The following SI variants were observed in gnomAD, a reference collection of about 807,000 sequenced individuals.
The protein encoded by SI is sucrase-isomaltase, intestinal.
Under a neutral mutation model 253.3 loss-of-function variants are expected in SI, and 235 were observed. The observed-to-expected ratio is 0.93, with a 90% CI of 0.83 to 1.03. SI has a LOEUF of 1.03. SI is among the 50% of genes least tolerant of loss of function. The probability of loss-of-function intolerance (pLI) is 0.00; values close to 1 mark genes in which losing one functional copy is unlikely to be tolerated. For missense variants in SI, 2,442 were observed against 2,211.1 expected, an observed-to-expected ratio of 1.10 and a Z score of -2.09; for synonymous variants, 819 against 712.0, an observed-to-expected ratio of 1.15 and a Z score of -2.39.
Position 165,036,369 on chromosome 3 carries a change from C to T in SI, c.2515+20G>A, listed in dbSNP as rs764134002. ...CCATTATCAGAGTGAACATTTAAAG[C>T]GTATTACTTTCAGACTTACCTTTAG... On this transcript the variant is annotated intron_variant, in intron 22 of 47. Coordinates refer to ENST00000264382, the MANE Select transcript of SI (RefSeq NM_001041.4). 34 of 1,532,476 alleles carry T rather than the reference C, an allele frequency of 2.2e-5. No homozygotes were observed. Among genetic ancestry groups the T allele is most frequent in the African/African-American group, 2.7e-5 (2 of 73,206 alleles). 94.9% of individuals were successfully genotyped at this position (1,532,476 alleles called of 1,614,324 possible). A position where few individuals can be genotyped will look rare whatever the true frequency, so the allele number is the denominator to read the frequency against.
At chr3:165,016,700 A>G (rs1448071431) in intron 31 of SI, among the ~76,000 whole-genome samples, 1 of 152,004 alleles carries the variant, frequency 6.6e-6, no homozygotes, top group Non-Finnish European at 1.5e-5. Flanking sequence ...GGAATATTCA[A>G]TTGAAGCCTA....
rs780524622 is a variant in SI, at chr3:165,065,361, T to A, written c.707A>T (p.Asp236Val). The A allele has an allele frequency of 1.3e-6, 2 of 1,594,354 alleles. No homozygotes were observed. The highest frequency in any genetic ancestry group is 1.7e-5 in the Admixed American group (1 of 59,466). Residue 236 changes from aspartate to valine, a missense_variant, in exon 7 of 48, where the codon GAT (aspartate) becomes GTT (valine). Physicochemically the swap from Asp to Val is radical, Grantham distance 152. Transcript: ENST00000264382. ...TTGTTCTCCAATACCATAAATATAA[T>A]CACTTGGAAGACGGGTTGAGATCTG... ...YLQISTRLPSDYIYGIGEQVH... is the reference protein window; with the variant it reads ...YLQISTRLPSVYIYGIGEQVH...
chr3:164,998,848 C>T lies in SI; in HGVS notation c.4407-175G>A, dbSNP rs1453057410. Among the ~76,000 whole-genome samples the T allele has an allele frequency of 2.6e-5, 4 of 151,766 alleles. No homozygotes were observed. In the East Asian group the frequency reaches 7.7e-4, roughly 29 times the overall value. On this transcript the variant is annotated intron_variant, in intron 37 of 47. Coordinates refer to ENST00000264382, the MANE Select transcript of SI (RefSeq NM_001041.4). ...TCATTAAATTATAAAATCCTCAAAA[C>T]ATAAAGGACGTCTTTTTCCCTTCCA...
intron 16 of SI, among the ~76,000 whole-genome samples, chr3:165,045,763 C>T (rs572760572): frequency 7.5e-6 from 1 of 133,646 alleles, no homozygotes; most frequent in African/African-American, 2.7e-5. Flanking sequence ...AAATTGTTAA[C>T]AGTTAATTCT....
At chr3:165,086,884 GA>G in the SI span, among the ~76,000 whole-genome samples, 1 of 152,140 alleles carries the variant, frequency 6.6e-6, no homozygotes, top group Non-Finnish European at 1.5e-5. Context: ...AGGCACAGGG[GA>G]ATTTGCACCC....
Position 165,019,583 on chromosome 3 carries a change from G to T in SI, c.3423+19C>A. ...ATGGTCTTAGTTGCCTCGTGGAGTG[G>T]TCATATGTTGGTACCTACACCAGGG... On this transcript the variant is annotated intron_variant, in intron 28 of 47. Transcript: ENST00000264382. 1.2e-6 allele frequency: 2 copies of T among 1,610,018 alleles called. No homozygotes were observed. The highest frequency in any genetic ancestry group is 2.2e-5 in the South Asian group (2 of 91,026).
intron 33 of SI, among the ~76,000 whole-genome samples, chr3:165,014,562 T>G (rs552873223): frequency 6.6e-6 from 1 of 152,268 alleles, no homozygotes; most frequent in East Asian, 1.9e-4. Context: ...ATCATAGATT[T>G]TTTTGATGGT....
chr3:165,075,603 C>T (rs1286533564), intron 2 of SI, among the ~76,000 whole-genome samples: 2 of 151,912 alleles, frequency 1.3e-5, no homozygotes, highest in Non-Finnish European at 2.9e-5. Context: ...CACCAGTAGG[C>T]GATTATTCCA....
At chr3:164,998,709 T>A (rs775428329) in intron 37 of SI, 36 bp from the exon 38 acceptor site, 1 of 1,570,884 alleles carries the variant, frequency 6.4e-7, no homozygotes, top group African/African-American at 1.4e-5. Context: ...AGTTTTTACA[T>A]GAGATATTTT....
chr3:165,075,887 C>G lies in SI; in HGVS notation c.118+8G>C. 6.9e-7 allele frequency: 1 copy of G among 1,445,466 alleles called. No individual in the cohort carries two copies. Among genetic ancestry groups the G allele is most frequent in the Non-Finnish European group, 9.7e-7 (1 of 1,027,208 alleles). 89.5% of individuals were successfully genotyped at this position (1,445,466 alleles called of 1,614,324 possible). ...ATAATGTAGCCATGCTTTTAATGTA[C>G]TACTTACCATCAACAGCAGGTGTCT... is the stretch of plus-strand genomic sequence containing the variant. On this transcript the variant is annotated splice_region_variant and intron_variant, in intron 2 of 47. Transcript: ENST00000264382.
the SI span, among the ~76,000 whole-genome samples, chr3:165,086,020 G>C: frequency 1.3e-5 from 2 of 152,036 alleles, no homozygotes; most frequent in Admixed American, 1.3e-4. Flanking sequence ...TTAGGAGGCC[G>C]AGGTGGGTGG....
At chr3:165,073,210 C>CTG (rs1714707640) in intron 3 of SI, among the ~76,000 whole-genome samples, 1 of 140,894 alleles carries the variant, frequency 7.1e-6, no homozygotes, top group Non-Finnish European at 1.6e-5. Context: ...CTCTCTCTCT[C>CTG]TCTCTCTCTC....
intron 3 of SI, 47 bp from the exon 4 acceptor site, chr3:165,069,242 G>C (rs750881768): frequency 8.3e-7 from 1 of 1,201,336 alleles, no homozygotes; most frequent in South Asian, 1.2e-5. Context: ...ACTATTATCA[G>C]ATGTCCCAGT....
At position 165,023,626 on chromosome 3, in the gene SI, T is replaced by C; in HGVS notation, c.3043A>G (p.Ile1015Val). 6.2e-7 allele frequency: 1 copy of C among 1,610,932 alleles called. No individual in the cohort carries two copies. The highest frequency in any genetic ancestry group is 1.7e-5 in the Admixed American group (1 of 59,652). Residue 1015 changes from isoleucine to valine, a missense_variant, in exon 26 of 48, where the codon ATC (isoleucine) becomes GTC (valine). Transcript: ENST00000264382. ...NARIKLPSDP[I>V]STLRVEVKYH... is the part of the protein sequence containing the mutation. ...TTCACCTCCACACGAAGAGTTGAGA[T>C]GGGGTCAGAAGGTAACTTTATTCTG...
Position 165,017,667 on chromosome 3 carries a change from C to G in SI, c.3640G>C (p.Gly1214Arg). The G allele has an allele frequency of 1.2e-6, 2 of 1,612,202 alleles. No homozygotes were observed. The highest frequency in any genetic ancestry group is 1.7e-6 in the Non-Finnish European group (2 of 1,178,912). ...VATKQYHEVI[G>R]HPVMPAYWAL... The stretch of plus-strand genomic sequence containing the variant: ...CAATAAGCTGGCATGACTGGATGGC[C>G]AATTACCTTTAAAAAAAATTCATGT... Residue 1214 changes from glycine to arginine, a missense_variant, in exon 31 of 48, where the codon GGC (glycine) becomes CGC (arginine). Gly to Arg is a moderately radical substitution (Grantham distance 125). Transcript: ENST00000264382.
At chr3:164,983,402 C>T (rs1236782253) in intron 45 of SI, among the ~76,000 whole-genome samples, 1 of 152,036 alleles carries the variant, frequency 6.6e-6, no homozygotes, top group Admixed American at 6.6e-5. Context: ...GTGATGATAG[C>T]AATCGACACT....
At chr3:165,042,911 A>G (rs1212758190) in intron 17 of SI, 148 bp downstream of exon 17, 7 of 657,756 alleles carry the variant, frequency 1.1e-5, no homozygotes, top group Non-Finnish European at 1.6e-5. Context: ...CAAAATATGT[A>G]TAGGACTTGA....
chr3:165,070,853 G>A (rs1714526691), intron 3 of SI, among the ~76,000 whole-genome samples: 1 of 152,098 alleles, frequency 6.6e-6, no homozygotes, highest in Non-Finnish European at 1.5e-5. Context: ...GAGGTTGTAA[G>A]TCCTAACTCA....
rs1235047536 is a variant in SI, at chr3:164,993,571, CA to C, written c.4841+685del. ...AATTACTCTGGTAATATAGGGTGCT[CA>C]AAAAGCTAAATATACTGTGATTATT... On this transcript the variant is annotated intron_variant, in intron 41 of 47. Coordinates refer to ENST00000264382, the MANE Select transcript of SI (RefSeq NM_001041.4). Among the ~76,000 whole-genome samples, 6 of 151,404 alleles carry C rather than the reference CA, an allele frequency of 4.0e-5. No individual in the cohort carries two copies. In the East Asian group the frequency reaches 1.2e-3, roughly 29 times the overall value.
Sources: gnomAD v4.1 joint callset for allele counts (sites outside exome capture counted in the v4.1 genomes callset) on GRCh38, gnomAD v4.1.1 for gene constraint, MANE v1.5 for transcripts, NCBI Gene and HGNC (gene_info 2026-07-23, HGNC 2026-07-21) for gene names.